Variants in CPPED1 observed in about 807,000 individuals in gnomAD.
CPPED1 encodes the protein calcineurin like phosphoesterase domain containing 1.
In CPPED1, 28 loss-of-function variants were observed where a neutral mutation model predicts 28.0. That is an observed-to-expected ratio of 1.00 (90% CI 0.74 to 1.37). The LOEUF (loss-of-function observed/expected upper bound fraction) is 1.37, where lower values mean the gene tolerates loss of function less well. Ranked by LOEUF, CPPED1 falls within the 40% of genes most tolerant of loss-of-function variation. The probability of loss-of-function intolerance (pLI) is 0.00; values close to 1 mark genes in which losing one functional copy is unlikely to be tolerated. For missense variants in CPPED1, 504 were observed against 416.5 expected (o/e 1.21, Z -1.83); for synonymous variants, 198 against 180.2 (o/e 1.10, Z -0.79).
chr16:12,765,208 T>G (rs574985967), intron 2 of CPPED1, among the ~76,000 whole-genome samples: 6 of 152,250 alleles, frequency 3.9e-5, no homozygotes, highest in Non-Finnish European at 7.3e-5. Flanking sequence ...GTATGTAAAT[T>G]CATTGATCTA....
chr16:12,751,026 T>C (rs920080892), intron 2 of CPPED1, among the ~76,000 whole-genome samples: 2 of 150,932 alleles, frequency 1.3e-5, no homozygotes, highest in South Asian at 4.2e-4. Context: ...AAAATGATGC[T>C]GGATGCATGG....
chr16:12,704,906 T>C lies in CPPED1; in HGVS notation c.433A>G (p.Thr145Ala), dbSNP rs772801239. 1.3e-5 allele frequency: 21 copies of C among 1,614,086 alleles called. No homozygotes were observed. Among genetic ancestry groups the C allele is most frequent in the Non-Finnish European group, 1.8e-5 (21 of 1,180,002 alleles). Reference protein sequence around the residue: ...TAETVEEFCRTWGDDYFSFWV... With the variant: ...TAETVEEFCRAWGDDYFSFWV... ...AAGCTGAAGTAGTCATCTCCCCAAG[T>C]CCGGCAGAACTCCTCGACGGTCTCG... Residue 145 changes from threonine to alanine, a missense_variant, in exon 3 of 4, where the codon ACT becomes GCT. Physicochemically the swap from Thr to Ala is moderately conservative, Grantham distance 58. Coordinates refer to ENST00000381774, the MANE Select transcript of CPPED1 (RefSeq NM_018340.3).
chr16:12,750,446 G>T (rs1413974047), intron 2 of CPPED1, among the ~76,000 whole-genome samples: 5 of 152,096 alleles, frequency 3.3e-5, no homozygotes, highest in African/African-American at 9.7e-5. Context: ...AAATAAGGAG[G>T]CCCCAAAAGA....
intron 3 of CPPED1, among the ~76,000 whole-genome samples, chr16:12,700,812 G>T (rs1395543316): frequency 2.0e-5 from 3 of 152,214 alleles, no homozygotes; most frequent in African/African-American, 7.2e-5. Context: ...TCAGGGAGCT[G>T]AGAGTTTAGC....
chr16:12,779,343 T>G (rs1253730595), intron 2 of CPPED1, among the ~76,000 whole-genome samples: 3 of 151,832 alleles, frequency 2.0e-5, no homozygotes, highest in Non-Finnish European at 4.4e-5. Context: ...TTTAGCCTCC[T>G]CAGTAGCTGG....
chr16:12,721,588 A>T (rs1356720806), intron 2 of CPPED1, among the ~76,000 whole-genome samples: 1 of 152,156 alleles, frequency 6.6e-6, no homozygotes, highest in East Asian at 1.9e-4. Flanking sequence ...CCTCGTCCCT[A>T]CTAAAAATAA....
chr16:12,775,908 T>A (rs1433522062), intron 2 of CPPED1, among the ~76,000 whole-genome samples: 1 of 152,200 alleles, frequency 6.6e-6, no homozygotes, highest in East Asian at 1.9e-4. Flanking sequence ...TCCTGGCAGA[T>A]AACAGACCCT....
At chr16:12,667,621 T>C (rs908119647) in intron 3 of CPPED1, among the ~76,000 whole-genome samples, 2 of 152,016 alleles carry the variant, frequency 1.3e-5, no homozygotes, top group African/African-American at 4.8e-5. Flanking sequence ...AGATCAATTC[T>C]AGACATCAAT....
chr16:12,695,994 C>T (rs776070226), intron 3 of CPPED1, among the ~76,000 whole-genome samples: 6 of 152,290 alleles, frequency 3.9e-5, no homozygotes, highest in East Asian at 1.9e-4. Context: ...TCTACTTCAG[C>T]GACTACCATC....
In CPPED1 at chr16:12,664,895, C is replaced by A. The variant is rs776101804; in HGVS notation, c.936G>T (p.Lys312Asn). 7 of 1,604,728 alleles carry A rather than the reference C, an allele frequency of 4.4e-6. No individual in the cohort carries two copies. The highest frequency in any genetic ancestry group is 3.3e-4 in the Middle Eastern group (2 of 6,028). ...GGAACGGGAAGGAGCGTCATTTTTT[C>A]TTGATCAAATCCATGAGATCGTCTT... The part of the protein sequence containing the change: ...GIEDDLMDLI[K>N]KK Residue 312 changes from lysine (K) to asparagine (N), a missense_variant, in exon 4 of 4, where the codon AAG (lysine) becomes AAT (asparagine). Coordinates refer to ENST00000381774, the MANE Select transcript of CPPED1 (RefSeq NM_018340.3). This position sits in a 1 kb window ranked among gnomAD's most constrained non-coding sequence, Gnocchi z 4.2.
intron 2 of CPPED1, among the ~76,000 whole-genome samples, chr16:12,779,770 T>G (rs142645427): frequency 1.7e-4 from 26 of 152,218 alleles, no homozygotes; most frequent in African/African-American, 6.0e-4. Flanking sequence ...TCAGGCTTAC[T>G]ACAGGGTACC....
At chr16:12,730,146 G>A (rs2080189924) in intron 2 of CPPED1, among the ~76,000 whole-genome samples, 2 of 152,120 alleles carry the variant, frequency 1.3e-5, no homozygotes, top group Non-Finnish European at 2.9e-5. Context: ...ACACGTGTGA[G>A]CCACCACGGC....
At chr16:12,707,472 G>C (rs1182024417) in intron 2 of CPPED1, among the ~76,000 whole-genome samples, 1 of 152,118 alleles carries the variant, frequency 6.6e-6, no homozygotes, top group Non-Finnish European at 1.5e-5. Flanking sequence ...TTGCTCTCAG[G>C]ATGACTTCTC....
intron 1 of CPPED1, among the ~76,000 whole-genome samples, chr16:12,789,629 G>A (rs1455534732): frequency 6.6e-6 from 1 of 152,106 alleles, no homozygotes; most frequent in Non-Finnish European, 1.5e-5. Context: ...GGGCTCAAGT[G>A]ATCCTCCCAC....
At chr16:12,746,815 T>A (rs979372554) in intron 2 of CPPED1, among the ~76,000 whole-genome samples, 16 of 152,090 alleles carry the variant, frequency 1.1e-4, no homozygotes, top group African/African-American at 3.9e-4. Context: ...AGTGGGGTGA[T>A]ATCGCTTGCA....
At chr16:12,753,540 T>A (rs2080344665) in intron 2 of CPPED1, among the ~76,000 whole-genome samples, 2 of 152,072 alleles carry the variant, frequency 1.3e-5, no homozygotes, top group Non-Finnish European at 2.9e-5. Context: ...TGGCCACCTT[T>A]CCTGGTCACT....
chr16:12,799,874 G>A (rs968564245), intron 1 of CPPED1, among the ~76,000 whole-genome samples: 1 of 152,194 alleles, frequency 6.6e-6, no homozygotes, highest in African/African-American at 2.4e-5. Flanking sequence ...TCAAGTGCTG[G>A]CCCCACTTCT....
In CPPED1 at chr16:12,663,546, GC is replaced by G. The variant is rs2079808313; in HGVS notation, c.*1339del. 3.9e-5 allele frequency: 6 copies of G among 152,154 alleles called. No homozygotes were observed. The South Asian group carries it at 6.2e-4, about 16-fold the overall frequency. 9.4% of individuals were successfully genotyped at this position (152,154 alleles called of 1,614,324 possible). ...ATAACAATGAACTCTGGTGTCACCA[GC>G]CTATTGTATAATTAACTTCTCGTCT... On this transcript the variant is annotated 3_prime_UTR_variant, in exon 4 of 4. Transcript: ENST00000381774.
At chr16:12,667,836 A>G (rs879881500) in intron 3 of CPPED1, among the ~76,000 whole-genome samples, 3 of 152,214 alleles carry the variant, frequency 2.0e-5, no homozygotes, top group Non-Finnish European at 4.4e-5. Flanking sequence ...AATTTGAAGA[A>G]ATAACAGAAA....
Sources: gnomAD v4.1 joint callset for allele counts (sites outside exome capture counted in the v4.1 genomes callset) on GRCh38, gnomAD v4.1.1 for gene constraint, Gnocchi (gnomAD v3.1) non-coding constraint, MANE v1.5 for transcripts, NCBI Gene and HGNC (gene_info 2026-07-23, HGNC 2026-07-21) for gene names.